The following DPF3 variants were observed in gnomAD, a reference collection of about 807,000 sequenced individuals.
DPF3 encodes double PHD fingers 3.
In DPF3, 18 loss-of-function variants were observed where a neutral mutation model predicts 56.8. The ratio of observed to expected loss-of-function variants is 0.32; its 90% CI spans 0.22 to 0.47. The LOEUF (loss-of-function observed/expected upper bound fraction) is 0.47. Ranked by LOEUF, DPF3 falls within the 20% of genes least tolerant of loss-of-function variation. DPF3 has a pLI of 1.00. For missense variants in DPF3, 403 were observed against 488.8 expected, an observed-to-expected ratio of 0.82 and a Z score of 1.65; for synonymous variants, 188 against 180.2, an observed-to-expected ratio of 1.04 and a Z score of -0.35.
chr14:72,832,242 TA>T lies in DPF3; in HGVS notation c.33-60350del, dbSNP rs530897632. On this transcript the variant is annotated intron_variant, in intron 1 of 10. Coordinates refer to ENST00000556509, the MANE Select transcript of DPF3 (RefSeq NM_001280542.3). ...TTTAAAAAAAATTAAAATTAAAAAA[TA>T]AAAAATTTTGAGGGAGAAAGATAAA... is the stretch of plus-strand genomic sequence containing the variant. 1.5e-3 allele frequency among the ~76,000 whole-genome samples: 233 copies of T among 152,084 alleles called. 1 individual carries two copies. The highest frequency in any genetic ancestry group is 5.2e-3 in the African/African-American group (214 of 41,492).
At chr14:72,674,494 G>C in intron 7 of DPF3, 126 bp from the exon 8 acceptor site, 1 of 1,357,380 alleles carries the variant, frequency 7.4e-7, no homozygotes, top group Non-Finnish European at 9.9e-7. Flanking sequence ...AACCAAGTTG[G>C]CAAATTGGGC....
At chr14:72,800,756 G>GCATGGGTGGATA (rs59034493) in intron 1 of DPF3, among the ~76,000 whole-genome samples, 146,648 of 151,048 alleles carry the variant, frequency 0.97, 71,212 homozygotes, top group East Asian at 1. Context: ...ATGGATGGGT[G>GCATGGGTGGATA]CATGGGTGGA....
At chr14:72,637,287 T>A (rs1372440951) in intron 8 of DPF3, among the ~76,000 whole-genome samples, 1 of 152,212 alleles carries the variant, frequency 6.6e-6, no homozygotes, top group Non-Finnish European at 1.5e-5. Context: ...TGGTTGGTCT[T>A]CTTAAAGTGA....
intron 2 of DPF3, among the ~76,000 whole-genome samples, chr14:72,762,210 C>G (rs1270185833): frequency 6.6e-6 from 1 of 151,756 alleles, no homozygotes; most frequent in African/African-American, 2.4e-5. Flanking sequence ...CAGCATCACC[C>G]TGACACCCAA....
chr14:72,674,488 A>T, intron 7 of DPF3, 120 bp from the exon 8 acceptor site: 2 of 1,419,464 alleles, frequency 1.4e-6, no homozygotes, highest in Non-Finnish European at 1.9e-6. Context: ...TATTATAACC[A>T]AGTTGGCAAA....
rs557434639 is a variant in DPF3, at chr14:72,812,530, C to A, written c.33-40637G>T. 5.3e-5 allele frequency among the ~76,000 whole-genome samples: 8 copies of A among 152,158 alleles called. No individual in the cohort carries two copies. The East Asian group carries it at 1.4e-3, about 26-fold the overall frequency. ...AGGCAGGGAGGCAAAGGGAACCGAC[C>A]CAGAACACTTCCCATGACGTCACCG... On this transcript the variant is annotated intron_variant, in intron 1 of 10. Transcript: ENST00000556509.
chr14:72,759,002 C>A (rs1197912498), intron 2 of DPF3, among the ~76,000 whole-genome samples: 2 of 152,028 alleles, frequency 1.3e-5, no homozygotes, highest in Admixed American at 6.5e-5. Context: ...TCAATTGAAA[C>A]CAACCCAGAA....
chr14:72,707,665 G>A (rs1020360380), intron 6 of DPF3, among the ~76,000 whole-genome samples: 21 of 144,790 alleles, frequency 1.5e-4, no homozygotes, highest in Non-Finnish European at 2.6e-4. Context: ...TTTCTTAGTC[G>A]TCTTCTGTGT....
At chr14:72,674,866 G>T (rs1308145316) in intron 7 of DPF3, among the ~76,000 whole-genome samples, 1 of 152,266 alleles carries the variant, frequency 6.6e-6, no homozygotes. Context: ...GCACTGATGG[G>T]AGGTCATTTC....
intron 9 of DPF3, among the ~76,000 whole-genome samples, chr14:72,620,508 A>G (rs1044568224): frequency 6.6e-6 from 1 of 152,202 alleles, no homozygotes; most frequent in African/African-American, 2.4e-5. Context: ...CTCGGCTTCC[A>G]GAAGCTTCCT....
intron 2 of DPF3, among the ~76,000 whole-genome samples, chr14:72,756,292 G>GAC (rs141174957): frequency 6.6e-5 from 10 of 152,226 alleles, no homozygotes; most frequent in Middle Eastern, 3.4e-3. Flanking sequence ...GATGCACAAA[G>GAC]ACACACACAC....
chr14:72,809,462 C>T (rs1227172068), intron 1 of DPF3, among the ~76,000 whole-genome samples: 1 of 152,212 alleles, frequency 6.6e-6, no homozygotes, highest in African/African-American at 2.4e-5. Context: ...CCACACAAGC[C>T]ACCCTCTCCC....
intron 6 of DPF3, among the ~76,000 whole-genome samples, chr14:72,709,136 G>A (rs1391351882): frequency 6.6e-6 from 1 of 152,242 alleles, no homozygotes; most frequent in Non-Finnish European, 1.5e-5. Flanking sequence ...ACTGGGTGTG[G>A]CAACACACTC....
chr14:72,873,683 A>T (rs1165353922), intron 1 of DPF3, among the ~76,000 whole-genome samples: 2 of 152,218 alleles, frequency 1.3e-5, no homozygotes, highest in African/African-American at 2.4e-5. Flanking sequence ...CAAATGTCCA[A>T]CAATGATAGA....
In DPF3 at chr14:72,750,364, AAAG is replaced by A. The variant is rs199756343; in HGVS notation, c.301+2897_301+2899del. On this transcript the variant is annotated intron_variant, in intron 3 of 10. Coordinates refer to ENST00000556509, the MANE Select transcript of DPF3 (RefSeq NM_001280542.3). ...AGTGCTAAAAGTCTTTGCTTCTATA[AAAG>A]AAGACCTAATTAGTCTGATATAAAT... Among the ~76,000 whole-genome samples the A allele has an allele frequency of 7.8e-3, 1,182 of 152,320 alleles. 13 individuals are homozygous for A. Among genetic ancestry groups the A allele is most frequent in the Non-Finnish European group, 0.01 (698 of 68,002 alleles).
At chr14:72,834,350 A>G (rs978670376) in intron 1 of DPF3, among the ~76,000 whole-genome samples, 2 of 151,980 alleles carry the variant, frequency 1.3e-5, no homozygotes, top group Non-Finnish European at 2.9e-5. Context: ...TACAAAAATT[A>G]GCTGGGCATG....
intron 1 of DPF3, among the ~76,000 whole-genome samples, chr14:72,823,425 C>CATA (rs1245781584): frequency 6.6e-6 from 1 of 152,212 alleles, no homozygotes; most frequent in Admixed American, 6.5e-5. Flanking sequence ...CGTCCCATCC[C>CATA]ATATCTCAGC....
At chr14:72,814,397 A>G (rs1461073347) in intron 1 of DPF3, among the ~76,000 whole-genome samples, 1 of 152,180 alleles carries the variant, frequency 6.6e-6, no homozygotes, top group Non-Finnish European at 1.5e-5. Flanking sequence ...TATATTCTCT[A>G]CAGTGCCTGG....
At chr14:72,776,871 T>TG (rs1891762771) in intron 1 of DPF3, among the ~76,000 whole-genome samples, 1 of 133,604 alleles carries the variant, frequency 7.5e-6, no homozygotes, top group Non-Finnish European at 1.6e-5. Context: ...GGGGCGGGGG[T>TG]GGGGGTGGGG....
Sources: gnomAD v4.1 joint callset for allele counts (sites outside exome capture counted in the v4.1 genomes callset) on GRCh38, gnomAD v4.1.1 for gene constraint, MANE v1.5 for transcripts, NCBI Gene and HGNC (gene_info 2026-07-23, HGNC 2026-07-21) for gene names.